The following SNTG2 variants were observed in gnomAD, a reference collection of about 807,000 sequenced individuals.
SNTG2 encodes the protein syntrophin gamma 2.
SNTG2 carries 74 observed loss-of-function variants against 70.9 expected under a neutral mutation model. The ratio of observed to expected loss-of-function variants is 1.04; its 90% CI spans 0.86 to 1.27. The LOEUF (loss-of-function observed/expected upper bound fraction) is 1.27. SNTG2 is among the 50% of genes most tolerant of loss of function. SNTG2 has a pLI of 0.00. For synonymous variants in SNTG2, 278 were observed against 273.8 expected, an observed-to-expected ratio of 1.02 and a Z score of -0.15; for missense variants, 717 against 690.7, an observed-to-expected ratio of 1.04 and a Z score of -0.43.
intron 6 of SNTG2, among the ~76,000 whole-genome samples, chr2:1,149,956 G>A (rs1382902488): frequency 6.6e-6 from 1 of 152,106 alleles, no homozygotes; most frequent in Non-Finnish European, 1.5e-5. Context: ...CCAAAGTGCT[G>A]GAATTACAGG....
intron 16 of SNTG2, among the ~76,000 whole-genome samples, chr2:1,350,609 G>T (rs755699255): frequency 3.9e-5 from 6 of 152,328 alleles, no homozygotes; most frequent in South Asian, 4.1e-4. Context: ...TGGCATTGAT[G>T]ACTTGAGTGA....
intron 1 of SNTG2, among the ~76,000 whole-genome samples, chr2:1,076,386 T>C (rs1018753779): frequency 6.6e-6 from 1 of 152,180 alleles, no homozygotes; most frequent in East Asian, 1.9e-4. Flanking sequence ...GCACCTGATA[T>C]GCATTCACTG....
At chr2:1,116,320 CAG>C (rs937769396) in intron 4 of SNTG2, among the ~76,000 whole-genome samples, 5 of 152,198 alleles carry the variant, frequency 3.3e-5, no homozygotes, top group African/African-American at 1.2e-4. Context: ...GGAAAGGAAA[CAG>C]AAGCTGCCAG....
At chr2:1,082,988 C>G (rs1361152296) in intron 1 of SNTG2, among the ~76,000 whole-genome samples, 7 of 152,168 alleles carry the variant, frequency 4.6e-5, no homozygotes. Context: ...CCCCAGCTCC[C>G]AAGACACAGC....
At chr2:1,365,018 A>T (rs758140012) in intron 16 of SNTG2, among the ~76,000 whole-genome samples, 1 of 152,288 alleles carries the variant, frequency 6.6e-6, no homozygotes, top group Middle Eastern at 3.4e-3. Context: ...TTGGAAACAC[A>T]TACATACATT....
chr2:1,022,408 C>T (rs1281912176), intron 1 of SNTG2, among the ~76,000 whole-genome samples: 1 of 151,776 alleles, frequency 6.6e-6, no homozygotes, highest in Non-Finnish European at 1.5e-5. Flanking sequence ...GGAGCCTCTG[C>T]GTTCTCGTTA....
intron 1 of SNTG2, among the ~76,000 whole-genome samples, chr2:1,073,973 C>G (rs1340110660): frequency 6.6e-6 from 1 of 152,116 alleles, no homozygotes; most frequent in African/African-American, 2.4e-5. Flanking sequence ...TTCTTTAGCT[C>G]GTATGTGGCT....
chr2:1,223,995 G>T (rs909634437), intron 9 of SNTG2, among the ~76,000 whole-genome samples: 1 of 149,506 alleles, frequency 6.7e-6, no homozygotes, highest in Non-Finnish European at 1.5e-5. Flanking sequence ...AAGGCTGCAA[G>T]TGCAGGGTCA....
chr2:978,501 TAAG>T (rs1660988242), intron 1 of SNTG2, among the ~76,000 whole-genome samples: 1 of 152,124 alleles, frequency 6.6e-6, no homozygotes, highest in Non-Finnish European at 1.5e-5. Context: ...GCCATAAACT[TAAG>T]GAGGTATAAA....
At chr2:1,217,755 GAAGAA>G (rs749765014) in intron 9 of SNTG2, among the ~76,000 whole-genome samples, 1 of 152,188 alleles carries the variant, frequency 6.6e-6, no homozygotes, top group Non-Finnish European at 1.5e-5. Context: ...GACATCAGGT[GAAGAA>G]AAGCATTGTT....
intron 12 of SNTG2, among the ~76,000 whole-genome samples, chr2:1,249,116 C>A (rs1244451006): frequency 6.6e-6 from 1 of 152,184 alleles, no homozygotes; most frequent in Non-Finnish European, 1.5e-5. Context: ...TTGTAGTGCA[C>A]TTCTGTCCAT....
At chr2:1,364,280 C>T (rs1462468001) in intron 16 of SNTG2, among the ~76,000 whole-genome samples, 6 of 151,616 alleles carry the variant, frequency 4.0e-5, no homozygotes, top group Admixed American at 3.9e-4. Flanking sequence ...CCATACCCAG[C>T]CATTGCTAGT....
intron 4 of SNTG2, among the ~76,000 whole-genome samples, chr2:1,122,722 C>CAA (rs60163290): frequency 1.6e-4 from 20 of 121,904 alleles, no homozygotes; most frequent in African/African-American, 3.0e-4. Context: ...AGCAATCAGA[C>CAA]AAAAAAAAAA....
chr2:1,197,857 A>G (rs1201800117), intron 8 of SNTG2, among the ~76,000 whole-genome samples: 2 of 152,164 alleles, frequency 1.3e-5, no homozygotes. Context: ...ATATATAGCA[A>G]CTATTTATTA....
intron 4 of SNTG2, among the ~76,000 whole-genome samples, chr2:1,129,477 A>C (rs917837621): frequency 2.0e-5 from 3 of 152,226 alleles, no homozygotes; most frequent in African/African-American, 4.8e-5. Flanking sequence ...AATTTTGGAT[A>C]AATTTGGAAA....
At chr2:1,328,318 C>T (rs1371526459) in intron 16 of SNTG2, among the ~76,000 whole-genome samples, 2 of 152,180 alleles carry the variant, frequency 1.3e-5, no homozygotes, top group East Asian at 3.9e-4. Context: ...CATGCAGATA[C>T]AACATATGAC....
In SNTG2 at chr2:1,052,953, T is replaced by A. The variant is rs373743210; in HGVS notation, c.73-30565T>A. On this transcript the variant is annotated intron_variant, in intron 1 of 16. Transcript: ENST00000308624. ...CCAGTTTCCACTGCGAGTCCCCTCC[T>A]GGATCTGTGGTGATTTGTGAGTATG... 2.2e-4 allele frequency among the ~76,000 whole-genome samples: 34 copies of A among 152,384 alleles called. No homozygotes were observed. The East Asian group carries it at 6.4e-3, about 28-fold the overall frequency.
At chr2:1,113,433 G>A (rs1167485614) in intron 4 of SNTG2, among the ~76,000 whole-genome samples, 3 of 152,162 alleles carry the variant, frequency 2.0e-5, no homozygotes, top group African/African-American at 7.2e-5. Flanking sequence ...AGAACCATGT[G>A]TACTAAGTGA....
intron 1 of SNTG2, among the ~76,000 whole-genome samples, chr2:1,058,602 A>G (rs1389751297): frequency 6.6e-6 from 1 of 152,150 alleles, no homozygotes; most frequent in East Asian, 1.9e-4. Context: ...TGTCTGATTA[A>G]AGTTTGGTTG....
Sources: allele counts gnomAD v4.1 joint callset (sites outside exome capture counted in the v4.1 genomes callset), GRCh38; gene constraint gnomAD v4.1.1; transcripts MANE v1.5; gene names NCBI Gene and HGNC (gene_info 2026-07-23, HGNC 2026-07-21).